The following ASCC3 variants were observed in gnomAD, a reference collection of about 807,000 sequenced individuals.
ASCC3 encodes ASC-1 complex subunit P200.
A neutral mutation model predicts 256.3 loss-of-function variants in ASCC3; 158 were observed. The observed-to-expected ratio is 0.62, with a 90% confidence interval of 0.54 to 0.70. The LOEUF (loss-of-function observed/expected upper bound fraction) is 0.70, where lower values mean the gene tolerates loss of function less well. ASCC3 is among the 30% of genes least tolerant of loss of function. The pLI, the probability that ASCC3 is intolerant of heterozygous loss-of-function variation, is 0.00. For synonymous variants in ASCC3, 948 were observed against 883.4 expected (o/e 1.07, Z -1.30); for missense variants, 2,259 against 2,626.0 (o/e 0.86, Z 3.05).
chr6:100,767,641 C>G (rs534554354), intron 8 of ASCC3, among the ~76,000 whole-genome samples: 85 of 151,906 alleles, frequency 5.6e-4, no homozygotes, highest in Middle Eastern at 3.4e-3. Context: ...CGGAGTCTCA[C>G]TCTGTCGCCC....
chr6:100,577,398 C>T (rs1770928069), intron 36 of ASCC3, among the ~76,000 whole-genome samples: 1 of 151,964 alleles, frequency 6.6e-6, no homozygotes, highest in African/African-American at 2.4e-5. Flanking sequence ...AAAGCCTTTG[C>T]CTCCCTAGAC....
chr6:100,868,026 A>C lies in ASCC3; in HGVS notation c.-29T>G. The C allele has an allele frequency of 6.6e-7, 1 of 1,521,666 alleles. No individual in the cohort carries two copies. Among genetic ancestry groups the C allele is most frequent in the South Asian group, 1.1e-5 (1 of 88,750 alleles). 94.3% of individuals were successfully genotyped at this position (1,521,666 alleles called of 1,614,324 possible). On this transcript the variant is annotated 5_prime_UTR_variant, in exon 2 of 42. Coordinates refer to ENST00000369162, the MANE Select transcript of ASCC3 (RefSeq NM_006828.4). ...TTATTCAATCAGTGATCCATACAGC[A>C]AGAAACCTGAAACTGAAACAAAACA...
chr6:100,619,108 C>T (rs1379487722), intron 30 of ASCC3, among the ~76,000 whole-genome samples: 1 of 152,168 alleles, frequency 6.6e-6, no homozygotes, highest in East Asian at 1.9e-4. Context: ...ATCAATGATG[C>T]TATTTGTTCT....
At chr6:100,818,541 C>G (rs1271035395) in intron 4 of ASCC3, among the ~76,000 whole-genome samples, 1 of 146,324 alleles carries the variant, frequency 6.8e-6, no homozygotes, top group African/African-American at 2.6e-5. Context: ...CACTCTCTAG[C>G]CTGGATGACA....
At chr6:100,701,245 T>G (rs1778338953) in intron 13 of ASCC3, among the ~76,000 whole-genome samples, 2 of 152,234 alleles carry the variant, frequency 1.3e-5, no homozygotes, top group African/African-American at 2.4e-5. Context: ...CTAACTTTAC[T>G]TACTCCCACA....
intron 1 of ASCC3, among the ~76,000 whole-genome samples, chr6:100,878,282 G>A (rs1460737842): frequency 2.0e-5 from 3 of 151,956 alleles, no homozygotes; most frequent in Admixed American, 2.0e-4. Context: ...ATTTCTATGG[G>A]GCTCTTATTC....
At chr6:100,876,760 A>C (rs907863318) in intron 1 of ASCC3, among the ~76,000 whole-genome samples, 3 of 152,216 alleles carry the variant, frequency 2.0e-5, no homozygotes, top group African/African-American at 7.2e-5. Flanking sequence ...GCCCCAGAAC[A>C]AATATAATTT....
intron 4 of ASCC3, among the ~76,000 whole-genome samples, chr6:100,823,197 T>A (rs1010219577): frequency 1.3e-5 from 2 of 152,208 alleles, no homozygotes; most frequent in African/African-American, 4.8e-5. Context: ...TTCATCCACA[T>A]TGAGAACAGG....
chr6:100,527,488 T>C (rs527267545), intron 37 of ASCC3, among the ~76,000 whole-genome samples: 13 of 152,314 alleles, frequency 8.5e-5, no homozygotes, highest in African/African-American at 2.4e-4. Flanking sequence ...CACTGCTAAA[T>C]GTATTTAAAC....
chr6:100,797,143 GT>G (rs1383077196), intron 8 of ASCC3, among the ~76,000 whole-genome samples: 1 of 152,028 alleles, frequency 6.6e-6, no homozygotes, highest in Non-Finnish European at 1.5e-5. Context: ...TGTCAATGAT[GT>G]TTTTTTAAAA....
In ASCC3 at chr6:100,627,943, T is replaced by C; in HGVS notation, c.4420A>G (p.Asn1474Asp). 6.2e-7 allele frequency: 1 copy of C among 1,613,554 alleles called. No homozygotes were observed. The highest frequency in any genetic ancestry group is 8.5e-7 in the Non-Finnish European group (1 of 1,179,784). ...TTTTCTGTGTGTGATGAGATAAAAT[T>C]TGTTCGAGATACAATGACCTCTAGA... ...PVLEVIVSRT[N>D]FISSHTEKPV... The change falls in exon 28 of 42, where the codon AAT becomes GAT. Residue 1474 changes from asparagine (N) to aspartate (D), a missense_variant. Asn to Asp is a conservative substitution (Grantham distance 23). Around this residue, in one of 2 missense-constraint regions of ASCC3, gnomAD observed 1,839 missense variants for 2,206.7 expected, o/e 0.83. Coordinates refer to ENST00000369162, the MANE Select transcript of ASCC3 (RefSeq NM_006828.4).
intron 37 of ASCC3, among the ~76,000 whole-genome samples, chr6:100,536,497 T>C (rs1775169630): frequency 6.6e-6 from 1 of 152,300 alleles, no homozygotes. Flanking sequence ...TTTTCTATTT[T>C]TGAGACAGGA....
intron 13 of ASCC3, among the ~76,000 whole-genome samples, chr6:100,704,548 A>C (rs763410259): frequency 1.1e-4 from 16 of 152,054 alleles, no homozygotes; most frequent in Admixed American, 2.0e-4. Flanking sequence ...AAACTAAGAA[A>C]TAATGATTAG....
At chr6:100,858,592 C>T (rs1455545407) in intron 3 of ASCC3, 2 of 986,320 alleles carry the variant, frequency 2.0e-6, no homozygotes, top group Non-Finnish European at 2.4e-6. Context: ...TATTACTTTA[C>T]AACAAATCAC....
chr6:100,627,928 G>A lies in ASCC3; in HGVS notation c.4435C>T (p.His1479Tyr). The A allele has an allele frequency of 1.2e-6, 2 of 1,613,616 alleles. No homozygotes were observed. The highest frequency in any genetic ancestry group is 1.7e-6 in the Non-Finnish European group (2 of 1,179,820). Residue 1479 changes from histidine to tyrosine, a missense_variant, in exon 28 of 42, where the codon CAC (histidine) becomes TAC (tyrosine). This residue lies in a region of ASCC3 where 1,839 missense variants were observed against 2,206.7 expected (regional missense o/e 0.83). Coordinates refer to ENST00000369162, the MANE Select transcript of ASCC3 (RefSeq NM_006828.4). The stretch of plus-strand genomic sequence containing the variant: ...ACTATTCTAACAGGCTTTTCTGTGT[G>A]TGATGAGATAAAATTTGTTCGAGAT... ...IVSRTNFISSHTEKPVRIVGL... is the reference protein window; with the variant it reads ...IVSRTNFISSYTEKPVRIVGL...
At chr6:100,843,432 C>A (rs1232054208) in intron 4 of ASCC3, among the ~76,000 whole-genome samples, 1 of 152,112 alleles carries the variant, frequency 6.6e-6, no homozygotes, top group African/African-American at 2.4e-5. Context: ...CCCATCTGCA[C>A]AAAAGCAAAC....
At position 100,800,385 on chromosome 6, in the gene ASCC3, C is replaced by T. The variant is rs1769854155; in HGVS notation, c.1042G>A (p.Ala348Thr). The T allele has an allele frequency of 6.2e-7, 1 of 1,612,840 alleles. No individual in the cohort carries two copies. The highest frequency in any genetic ancestry group is 8.5e-7 in the Non-Finnish European group (1 of 1,179,324). ...TCTCCAGCCTTTTTTTCTCGTCTGG[C>T]AATTCTTTTTTCTTCACGTCGATAT... ...KQYRREEKRI[A>T]RREKKAGEDL... The change falls in exon 6 of 42, where the codon GCC becomes ACC. Residue 348 changes from alanine to threonine, a missense_variant. By Grantham distance (58) the Ala-to-Thr change is moderately conservative (BLOSUM62 0). Around this residue, in one of 2 missense-constraint regions of ASCC3, gnomAD observed 420 missense variants for 419.3 expected, o/e 1.00. Transcript: ENST00000369162.
At chr6:100,644,659 C>T (rs1446525778) in intron 22 of ASCC3, among the ~76,000 whole-genome samples, 2 of 152,142 alleles carry the variant, frequency 1.3e-5, no homozygotes, top group Non-Finnish European at 2.9e-5. Flanking sequence ...AAGCATCTCT[C>T]CCTCATGTGA....
chr6:100,734,528 T>C (rs1353677203), intron 10 of ASCC3, among the ~76,000 whole-genome samples: 1 of 152,144 alleles, frequency 6.6e-6, no homozygotes, highest in African/African-American at 2.4e-5. Context: ...TTCTCATCTG[T>C]AAAATGGAGA....
Sources: gnomAD v4.1 joint callset for allele counts (sites outside exome capture counted in the v4.1 genomes callset) on GRCh38, gnomAD v4.1.1 for gene constraint, gnomAD v4.1.1 regional missense constraint, MANE v1.5 for transcripts, NCBI Gene and HGNC (gene_info 2026-07-23, HGNC 2026-07-21) for gene names.